SSBP3: variants seen among roughly 807,000 people sequenced by gnomAD.
The protein encoded by SSBP3 is single stranded DNA binding protein 3, also known as single-stranded DNA-binding protein 3.
A neutral mutation model predicts 69.6 loss-of-function variants in SSBP3; 5 were observed. The observed-to-expected ratio is 0.07, with a 90% CI of 0.04 to 0.15. SSBP3 has a LOEUF of 0.15. Among genes scored for constraint, SSBP3 ranks in the 10% least tolerant of loss-of-function variants. SSBP3 has a pLI of 1.00. For missense variants in SSBP3, 312 were observed against 534.0 expected, an observed-to-expected ratio of 0.58 and a Z score of 4.10; for synonymous variants, 196 against 193.4, an observed-to-expected ratio of 1.01 and a Z score of -0.11.
At chr1:54,378,427 C>T (rs1185592880) in intron 4 of SSBP3, among the ~76,000 whole-genome samples, 1 of 152,190 alleles carries the variant, frequency 6.6e-6, no homozygotes, top group Non-Finnish European at 1.5e-5. Context: ...CCACTCAGAG[C>T]AGGACAAAGA....
intron 5 of SSBP3, among the ~76,000 whole-genome samples, chr1:54,267,384 G>A (rs765332730): frequency 1.3e-5 from 2 of 152,242 alleles, no homozygotes; most frequent in Non-Finnish European, 2.9e-5. Context: ...AAGTGCCGGA[G>A]ACACGTGAAC....
At chr1:54,228,980 T>C (rs548018944) in intron 14 of SSBP3, 154 bp from the exon 15 acceptor site, 1 of 752,800 alleles carries the variant, frequency 1.3e-6, no homozygotes, top group African/African-American at 1.7e-5. Flanking sequence ...GCCTGGCAGC[T>C]GGGCCAGGGT....
intron 4 of SSBP3, among the ~76,000 whole-genome samples, chr1:54,387,888 A>G (rs1042613670): frequency 3.3e-5 from 5 of 152,206 alleles, no homozygotes; most frequent in Non-Finnish European, 4.4e-5. Flanking sequence ...GCCCCGAGCC[A>G]GAACAAGCCT....
chr1:54,353,418 A>G (rs772552921), intron 4 of SSBP3, among the ~76,000 whole-genome samples: 25 of 152,178 alleles, frequency 1.6e-4, no homozygotes, highest in Non-Finnish European at 3.2e-4. Flanking sequence ...ACTTACACAC[A>G]TGTGGCCAGG....
chr1:54,399,871 C>G (rs1251313004), intron 4 of SSBP3, among the ~76,000 whole-genome samples: 1 of 152,158 alleles, frequency 6.6e-6, no homozygotes, highest in African/African-American at 2.4e-5. Context: ...TACCCCTTAA[C>G]GCCTTCATAA....
intron 12 of SSBP3, 66 bp from the exon 13 acceptor site, chr1:54,241,025 T>A (rs1227669822): frequency 8.5e-6 from 13 of 1,521,536 alleles, no homozygotes; most frequent in Non-Finnish European, 1.2e-5. Context: ...GGGGCCGGCA[T>A]CCTCCCTCCC....
chr1:54,350,100 T>G (rs1257678563), intron 4 of SSBP3, among the ~76,000 whole-genome samples: 1 of 152,122 alleles, frequency 6.6e-6, no homozygotes, highest in East Asian at 1.9e-4. Flanking sequence ...CCAAGATATA[T>G]TAAGTAGGAG....
At chr1:54,271,700 T>C (rs971240674) in intron 5 of SSBP3, among the ~76,000 whole-genome samples, 1 of 152,192 alleles carries the variant, frequency 6.6e-6, no homozygotes, top group Non-Finnish European at 1.5e-5. Context: ...TACCCCACCA[T>C]GTCCCCAGTC....
chr1:54,249,197 C>T (rs972929395), intron 9 of SSBP3, among the ~76,000 whole-genome samples: 4 of 152,230 alleles, frequency 2.6e-5, no homozygotes, highest in Non-Finnish European at 4.4e-5. Context: ...AGCCTGACAT[C>T]TGTTCCCAGC....
intron 4 of SSBP3, among the ~76,000 whole-genome samples, chr1:54,370,517 T>C (rs988732175): frequency 6.6e-6 from 1 of 152,216 alleles, no homozygotes; most frequent in African/African-American, 2.4e-5. Context: ...GCACCATCAC[T>C]AGCCTTCAGA....
At chr1:54,367,843 A>G (rs1000553904) in intron 4 of SSBP3, among the ~76,000 whole-genome samples, 1 of 152,260 alleles carries the variant, frequency 6.6e-6, no homozygotes, top group Non-Finnish European at 1.5e-5. Flanking sequence ...GTGCACAAAC[A>G]TTTAGCCATA....
At chr1:54,237,760 C>T (rs766453607) in intron 14 of SSBP3, 11 of 189,384 alleles carry the variant, frequency 5.8e-5, no homozygotes, top group East Asian at 1.3e-4. Flanking sequence ...AAACCAGCAC[C>T]GTCTAGACAA....
intron 4 of SSBP3, among the ~76,000 whole-genome samples, chr1:54,308,763 G>A (rs1386833341): frequency 1.3e-5 from 2 of 151,726 alleles, no homozygotes; most frequent in African/African-American, 4.8e-5. Context: ...GCGAGACTCA[G>A]TCTCAAAAAA....
intron 9 of SSBP3, among the ~76,000 whole-genome samples, 176 bp downstream of exon 9, chr1:54,251,440 A>T (rs1320806963): frequency 6.6e-6 from 1 of 152,204 alleles, no homozygotes; most frequent in Non-Finnish European, 1.5e-5. Flanking sequence ...TGCCCTGGGC[A>T]GCGCGTGAAG....
intron 4 of SSBP3, among the ~76,000 whole-genome samples, chr1:54,394,511 G>A (rs925309934): frequency 1.3e-5 from 2 of 151,900 alleles, no homozygotes; most frequent in Non-Finnish European, 2.9e-5. Flanking sequence ...AAGCATAGTA[G>A]GAGCTTGGTA....
intron 4 of SSBP3, among the ~76,000 whole-genome samples, chr1:54,355,203 T>C (rs1016240884): frequency 6.6e-6 from 1 of 152,226 alleles, no homozygotes; most frequent in East Asian, 1.9e-4. Flanking sequence ...GCACTCTCTG[T>C]CCTGTTCCTC....
intron 4 of SSBP3, among the ~76,000 whole-genome samples, chr1:54,316,663 AATAAAT>A (rs1557525306): frequency 0.021 from 709 of 33,404 alleles, 79 homozygotes; most frequent in African/African-American, 0.063. Flanking sequence ...AAAAAAATAA[AATAAAT>A]AAATAAATAA....
At chr1:54,270,270 C>G (rs1176439944) in intron 5 of SSBP3, among the ~76,000 whole-genome samples, 1 of 152,184 alleles carries the variant, frequency 6.6e-6, no homozygotes, top group Non-Finnish European at 1.5e-5. Context: ...CAGGTCAGAG[C>G]TGGTCTCCAT....
intron 4 of SSBP3, among the ~76,000 whole-genome samples, chr1:54,366,228 T>G (rs964230439): frequency 2.0e-5 from 3 of 152,200 alleles, no homozygotes; most frequent in African/African-American, 7.2e-5. Flanking sequence ...TTCATCATTG[T>G]TGCCCACACG....
Sources: gnomAD v4.1 joint callset for allele counts (sites outside exome capture counted in the v4.1 genomes callset) on GRCh38, gnomAD v4.1.1 for gene constraint, MANE v1.5 for transcripts, NCBI Gene and HGNC (gene_info 2026-07-23, HGNC 2026-07-21) for gene names.